Variants in UTP6 observed in about 807,000 individuals in gnomAD.
UTP6 encodes U3 small nucleolar RNA-associated protein 6 homolog.
UTP6 carries 60 observed loss-of-function variants against 96.5 expected under a neutral mutation model. The observed-to-expected ratio is 0.62, with a 90% confidence interval of 0.51 to 0.77. The LOEUF is 0.77. Ranked by LOEUF, UTP6 falls within the 30% of genes least tolerant of loss-of-function variation. The pLI is 0.00. For missense variants in UTP6, 637 were observed against 706.5 expected, an observed-to-expected ratio of 0.90 and a Z score of 1.12; for synonymous variants, 215 against 240.1, an observed-to-expected ratio of 0.90 and a Z score of 0.96.
chr17:31,889,846 C>A (rs912675183), intron 6 of UTP6, among the ~76,000 whole-genome samples: 1 of 151,958 alleles, frequency 6.6e-6, no homozygotes, highest in Non-Finnish European at 1.5e-5. Context: ...GGAAGCAGTT[C>A]GGACAGACAG....
chr17:31,884,776 T>G, intron 9 of UTP6: 1 of 317,586 alleles, frequency 3.1e-6, no homozygotes, highest in Non-Finnish European at 5.9e-6. Flanking sequence ...TACTGAGGAT[T>G]GGTGCAATGG....
intron 7 of UTP6, 50 bp downstream of exon 7, chr17:31,889,235 A>G (rs1187169391): frequency 2.8e-6 from 4 of 1,425,060 alleles, no homozygotes; most frequent in Non-Finnish European, 2.9e-6. Context: ...ATGTCTCCAG[A>G]GGACCAAACT....
chr17:31,901,638 G>T lies in UTP6; in HGVS notation c.-11C>A. 6.2e-7 allele frequency: 1 copy of T among 1,612,784 alleles called. No individual in the cohort carries two copies. Among genetic ancestry groups the T allele is most frequent in the Middle Eastern group, 1.6e-4 (1 of 6,062 alleles). ...AATTATCTCTGCCATGAGGTCCGAG[G>T]TCTACAACCCCGCGGGTAGCTTCTC... On this transcript the variant is annotated 5_prime_UTR_variant, in exon 1 of 19. Coordinates refer to ENST00000261708, the MANE Select transcript of UTP6 (RefSeq NM_018428.3).
At chr17:31,878,455 G>GCATA in intron 12 of UTP6, 128 bp from the exon 13 acceptor site, 1 of 946,258 alleles carries the variant, frequency 1.1e-6, no homozygotes, top group Non-Finnish European at 1.6e-6. Flanking sequence ...CTGCATGGTG[G>GCATA]TTTCACTTAT....
intron 17 of UTP6, among the ~76,000 whole-genome samples, chr17:31,867,044 C>T (rs1253754189): frequency 2.6e-5 from 4 of 152,010 alleles, no homozygotes; most frequent in Admixed American, 2.0e-4. Flanking sequence ...CTCTCATACC[C>T]CTGAAACAGG....
chr17:31,861,954 A>G lies in UTP6; in HGVS notation c.*1405T>C, dbSNP rs193056815. ...TGGCCAGGGATGTGAACAAAGATTG[A>G]CAAGAATCTTCATCAACAGCATTTA... On this transcript the variant is annotated 3_prime_UTR_variant, in exon 19 of 19. Transcript: ENST00000261708. 6.6e-6 allele frequency: 1 copy of G among 152,212 alleles called. No individual in the cohort carries two copies. The highest frequency in any genetic ancestry group is 1.9e-4 in the East Asian group (1 of 5,200). 9.4% of individuals were successfully genotyped at this position (152,212 alleles called of 1,614,324 possible). A position where few individuals can be genotyped will look rare whatever the true frequency, so the allele number is the denominator to read the frequency against.
rs1904860851 is a variant in UTP6, at chr17:31,899,714, C to G, written c.109G>C (p.Ala37Pro). ...TGGATTTTGTACTCTAGATCGGAAG[C>G]CTTCTTAATGATAGCCCTGAGGAGA... is the stretch of plus-strand genomic sequence containing the variant. ...HAEIKAIIKKASDLEYKIQRR... is the reference protein window; with the variant it reads ...HAEIKAIIKKPSDLEYKIQRR... Residue 37 changes from alanine (A) to proline (P), a missense_variant, in exon 2 of 19, where the codon GCT becomes CCT. Physicochemically the swap from Ala to Pro is conservative, Grantham distance 27. Coordinates refer to ENST00000261708, the MANE Select transcript of UTP6 (RefSeq NM_018428.3). The G allele has an allele frequency of 6.3e-7, 1 of 1,597,248 alleles. No homozygotes were observed. Among genetic ancestry groups the G allele is most frequent in the Non-Finnish European group, 8.5e-7 (1 of 1,171,904 alleles).
intron 16 of UTP6, among the ~76,000 whole-genome samples, chr17:31,870,744 C>T (rs545786126): frequency 1.7e-4 from 26 of 151,836 alleles, no homozygotes; most frequent in Non-Finnish European, 2.6e-4. Flanking sequence ...AGGATGGTCT[C>T]GATCTCCTGA....
intron 2 of UTP6, among the ~76,000 whole-genome samples, chr17:31,897,399 C>T (rs542738437): frequency 2.0e-5 from 3 of 150,372 alleles, no homozygotes; most frequent in East Asian, 3.9e-4. Flanking sequence ...ATTGTTTGTT[C>T]GGCTGTCTTT....
intron 15 of UTP6, 25 bp downstream of exon 15, chr17:31,873,648 A>G (rs532620795): frequency 5.6e-6 from 9 of 1,613,880 alleles, no homozygotes; most frequent in Non-Finnish European, 7.6e-6. Flanking sequence ...CCCACACCAC[A>G]AGACTTGGAA....
At chr17:31,897,481 CTT>C (rs1181971401) in intron 2 of UTP6, among the ~76,000 whole-genome samples, 2 of 124,822 alleles carry the variant, frequency 1.6e-5, no homozygotes, top group Non-Finnish European at 3.2e-5. Flanking sequence ...GAGTTTCGCT[CTT>C]GTCTCCCAGG....
chr17:31,885,760 CCTGGGCAACAGAT>C (rs369116431), intron 9 of UTP6, among the ~76,000 whole-genome samples: 189 of 152,130 alleles, frequency 1.2e-3, no homozygotes, highest in African/African-American at 4.1e-3. Flanking sequence ...TGCACTCCAG[CCTGGGCAACAGAT>C]CAAGACTCCA....
intron 2 of UTP6, among the ~76,000 whole-genome samples, chr17:31,896,663 C>T (rs1338251744): frequency 6.9e-6 from 1 of 145,398 alleles, no homozygotes; most frequent in Non-Finnish European, 1.5e-5. Context: ...TTTTTTGAGA[C>T]AGGGTCTCTA....
chr17:31,880,692 T>G lies in UTP6; in HGVS notation c.848A>C (p.Glu283Ala), dbSNP rs751716191. The part of the protein sequence containing the change: ...TWDYVARREL[E>A]IESQTEEQPT... ...CTGCTCTTCTGTCTGTGACTCAATC[T>G]CTAATTCTCGCCTTGCCACATAATC... Residue 283 changes from glutamate to alanine, a missense_variant, in exon 11 of 19, where the codon GAG becomes GCG. By Grantham distance (107) the Glu-to-Ala change is moderately radical (BLOSUM62 -1). Coordinates refer to ENST00000261708, the MANE Select transcript of UTP6 (RefSeq NM_018428.3). 6.2e-7 allele frequency: 1 copy of G among 1,614,124 alleles called. No individual in the cohort carries two copies.
At chr17:31,891,714 G>A (rs1911502083) in intron 6 of UTP6, among the ~76,000 whole-genome samples, 1 of 152,212 alleles carries the variant, frequency 6.6e-6, no homozygotes, top group Admixed American at 6.6e-5. Context: ...AGTTTATTTT[G>A]CCATCATCTA....
chr17:31,863,476 G>C lies in UTP6; in HGVS notation c.1677C>G (p.Pro559=), dbSNP rs1287220668. The change falls in exon 19 of 19, where the codon CCC becomes CCG. Residue 559 remains proline, a synonymous_variant. Transcript: ENST00000261708. ...GTCCACAGTTCTCAGGTCTACCAAG[G>C]GGGTGGTTCAATTCTTCTTTCATAT... ...MDYMKEELNH[P]LGRPENCGQI... 1 of 1,612,978 alleles carries C rather than the reference G, an allele frequency of 6.2e-7. No homozygotes were observed. Among genetic ancestry groups the C allele is most frequent in the South Asian group, 1.1e-5 (1 of 90,742 alleles).
At chr17:31,896,791 C>T (rs1465497766) in intron 2 of UTP6, among the ~76,000 whole-genome samples, 3 of 152,084 alleles carry the variant, frequency 2.0e-5, no homozygotes, top group Non-Finnish European at 4.4e-5. Flanking sequence ...TGTGCACCAC[C>T]ATGCCCAGCT....
chr17:31,876,751 C>T (rs1910524707), intron 13 of UTP6, among the ~76,000 whole-genome samples: 1 of 152,130 alleles, frequency 6.6e-6, no homozygotes, highest in South Asian at 2.1e-4. Context: ...GTGGCTCACG[C>T]CTGTAATCCC....
intron 9 of UTP6, among the ~76,000 whole-genome samples, chr17:31,885,379 AG>A (rs1290507338): frequency 1.3e-5 from 2 of 151,692 alleles, no homozygotes; most frequent in Non-Finnish European, 1.5e-5. Context: ...TCCTGACCTC[AG>A]GTGATCCACC....
Sources: gnomAD v4.1 joint callset for allele counts (sites outside exome capture counted in the v4.1 genomes callset) on GRCh38, gnomAD v4.1.1 for gene constraint, MANE v1.5 for transcripts, NCBI Gene and HGNC (gene_info 2026-07-23, HGNC 2026-07-21) for gene names.